KCNQ1: variants seen among roughly 807,000 people sequenced by gnomAD.
The protein encoded by KCNQ1 is potassium voltage-gated channel subfamily Q member 1.
A neutral mutation model predicts 72.4 loss-of-function variants in KCNQ1; 49 were observed. The ratio of observed to expected loss-of-function variants is 0.68; its 90% CI spans 0.54 to 0.86. The LOEUF (loss-of-function observed/expected upper bound fraction) is 0.86, where lower values mean the gene tolerates loss of function less well. Ranked by LOEUF, KCNQ1 falls within the 40% of genes least tolerant of loss-of-function variation. The pLI, the probability that KCNQ1 is intolerant of heterozygous loss-of-function variation, is 0.00. For synonymous variants in KCNQ1, 450 were observed against 412.6 expected (o/e 1.09, Z -1.10); for missense variants, 790 against 945.1 (o/e 0.84, Z 2.15).
intron 4 of KCNQ1, among the ~76,000 whole-genome samples, chr11:2,571,735 C>G (rs1161419427): frequency 6.6e-6 from 1 of 152,140 alleles, no homozygotes; most frequent in African/African-American, 2.4e-5. Context: ...AAGGAGCCCC[C>G]CAGAAGGCAG....
intron 2 of KCNQ1, among the ~76,000 whole-genome samples, chr11:2,561,963 GC>G: frequency 6.6e-6 from 1 of 152,194 alleles, no homozygotes; most frequent in Non-Finnish European, 1.5e-5. Context: ...GAAGGATGCA[GC>G]CCGACTAAGG....
rs1846851840 is a variant in KCNQ1, at chr11:2,492,477, C to T, written c.387-35451C>T. Reference sequence around the variant, plus strand: ...TCATCTAGGTTTTAAGCCCTACATGCATTAGGTATTTGTCCTAATGCTCTC... The same window carrying T: ...TCATCTAGGTTTTAAGCCCTACATGTATTAGGTATTTGTCCTAATGCTCTC... On this transcript the variant is annotated intron_variant, in intron 1 of 15. Coordinates refer to ENST00000155840, the MANE Select transcript of KCNQ1 (RefSeq NM_000218.3). This position sits in a 1 kb window ranked among gnomAD's most constrained non-coding sequence, Gnocchi z 4.1. 1.3e-5 allele frequency among the ~76,000 whole-genome samples: 2 copies of T among 152,184 alleles called. No individual in the cohort carries two copies. Among genetic ancestry groups the T allele is most frequent in the South Asian group, 4.1e-4 (2 of 4,830 alleles).
rs892126585 is a variant in KCNQ1, at chr11:2,646,345, G to A, written c.1394-15616G>A. ...TTCTTTCAATCCATGAGCATGGGAT[G>A]TCTCAAAAAATTTTGTAGCCTCTTC... On this transcript the variant is annotated intron_variant, in intron 10 of 15. Transcript: ENST00000155840. 3.0e-5 allele frequency: 12 copies of A among 398,532 alleles called. No individual in the cohort carries two copies. The Admixed American group carries it at 3.1e-4, about 10-fold the overall frequency. The allele number at this position is 398,532 out of a possible 1,614,324, so 24.7% of individuals were successfully genotyped here. A position where few individuals can be genotyped will look rare whatever the true frequency, so the allele number is the denominator to read the frequency against.
In KCNQ1 at chr11:2,766,992, C is replaced by T. The variant is rs141009125; in HGVS notation, c.1515-1852C>T. 6.7e-3 allele frequency among the ~76,000 whole-genome samples: 1,017 copies of T among 152,288 alleles called. 9 individuals carry two copies. The highest frequency in any genetic ancestry group is 0.023 in the African/African-American group (969 of 41,558). ...AAGAGATCAACACCATCCTAGCCAA[C>T]ATGATCAAACCCTGTCTCTACTAAA... On this transcript the variant is annotated intron_variant, in intron 11 of 15. Coordinates refer to ENST00000155840, the MANE Select transcript of KCNQ1 (RefSeq NM_000218.3). This position sits in a 1 kb window ranked among gnomAD's most constrained non-coding sequence, Gnocchi z 4.4.
intron 15 of KCNQ1, among the ~76,000 whole-genome samples, chr11:2,788,751 T>C (rs903141007): frequency 2.0e-5 from 3 of 152,218 alleles, no homozygotes; most frequent in African/African-American, 7.2e-5. Flanking sequence ...TCTTAGTGGA[T>C]GGCGGAGTCC....
chr11:2,725,090 C>A lies in KCNQ1; in HGVS notation c.1515-43754C>A, dbSNP rs984872621. Among the ~76,000 whole-genome samples the A allele has an allele frequency of 6.6e-6, 1 of 152,210 alleles. No individual in the cohort carries two copies. Among genetic ancestry groups the A allele is most frequent in the Middle Eastern group, 3.2e-3 (1 of 316 alleles). The stretch of plus-strand genomic sequence containing the variant: ...TCAGACAATGACTCCTAAACAAGCT[C>A]ACGTCTTGAAGCAGTGCTGGACCCG... On this transcript the variant is annotated intron_variant, in intron 11 of 15. Transcript: ENST00000155840. The surrounding 1 kb of genome is among the most constrained non-coding windows in gnomAD (Gnocchi z 7.2).
At chr11:2,770,160 AG>A (rs1226196850) in intron 12 of KCNQ1, among the ~76,000 whole-genome samples, 2 of 152,058 alleles carry the variant, frequency 1.3e-5, no homozygotes, top group African/African-American at 4.8e-5. Flanking sequence ...CTTCCACTCC[AG>A]GCCCCAGGAT....
At chr11:2,802,211 C>T (rs1057230279) in intron 15 of KCNQ1, among the ~76,000 whole-genome samples, 30 of 152,220 alleles carry the variant, frequency 2.0e-4, no homozygotes, top group Non-Finnish European at 3.7e-4. Context: ...TCTGACAATG[C>T]GAAGCCCACC....
At position 2,602,233 on chromosome 11, in the gene KCNQ1, C is replaced by T. The variant is rs1235427735; in HGVS notation, c.1393+13379C>T. Among the ~76,000 whole-genome samples the T allele has an allele frequency of 2.0e-5, 3 of 151,386 alleles. No individual in the cohort carries two copies. The highest frequency in any genetic ancestry group is 4.2e-4 in the South Asian group (2 of 4,792). On this transcript the variant is annotated intron_variant, in intron 10 of 15. Coordinates refer to ENST00000155840, the MANE Select transcript of KCNQ1 (RefSeq NM_000218.3). The surrounding 1 kb of genome is among the most constrained non-coding windows in gnomAD (Gnocchi z 4.8). ...CAGCCCTGCTGACACCTTGATTTTT[C>T]GTCCCCTAAGACTCTTTTCAGACTT...
rs1056150498 is a variant in KCNQ1, at chr11:2,764,468, G to A, written c.1515-4376G>A. On this transcript the variant is annotated intron_variant, in intron 11 of 15. Transcript: ENST00000155840. This position sits in a 1 kb window ranked among gnomAD's most constrained non-coding sequence, Gnocchi z 4.8. ...CTGGTGGTGGTTAGGATATTTGCAC[G>A]TATGTTCACGAGAGAGATTAACCTG... 1.3e-5 allele frequency among the ~76,000 whole-genome samples: 2 copies of A among 152,038 alleles called. No homozygotes were observed. Among genetic ancestry groups the A allele is most frequent in the Non-Finnish European group, 2.9e-5 (2 of 68,010 alleles).
At chr11:2,581,216 G>A (rs1848493765) in intron 6 of KCNQ1, among the ~76,000 whole-genome samples, 1 of 152,258 alleles carries the variant, frequency 6.6e-6, no homozygotes, top group Admixed American at 6.5e-5. Flanking sequence ...CCACCTGTGT[G>A]TGCTTTCTTG....
intron 11 of KCNQ1, among the ~76,000 whole-genome samples, chr11:2,740,634 T>C (rs1053909800): frequency 6.6e-6 from 1 of 152,226 alleles, no homozygotes; most frequent in Non-Finnish European, 1.5e-5. Flanking sequence ...GCCAAAATTT[T>C]GGTGGCCTAA....
At chr11:2,716,446 C>T (rs967313907) in intron 11 of KCNQ1, among the ~76,000 whole-genome samples, 1 of 152,122 alleles carries the variant, frequency 6.6e-6, no homozygotes, top group African/African-American at 2.4e-5. Context: ...GCTAGGCTCT[C>T]GAGGAATGGC....
At chr11:2,845,506 C>A (rs404521) in intron 15 of KCNQ1, among the ~76,000 whole-genome samples, 1 of 152,212 alleles carries the variant, frequency 6.6e-6, no homozygotes, top group African/African-American at 2.4e-5. Context: ...GCCCCTGCCC[C>A]TGCCAAACCA....
chr11:2,843,014 G>A (rs1848245934), intron 15 of KCNQ1, among the ~76,000 whole-genome samples: 1 of 152,232 alleles, frequency 6.6e-6, no homozygotes, highest in Non-Finnish European at 1.5e-5. Flanking sequence ...ACACACGCCT[G>A]CCTGCACGCT....
At position 2,516,024 on chromosome 11, in the gene KCNQ1, C is replaced by A. The variant is rs1847283243; in HGVS notation, c.387-11904C>A. Among the ~76,000 whole-genome samples the A allele has an allele frequency of 6.6e-6, 1 of 152,016 alleles. No individual in the cohort carries two copies. The highest frequency in any genetic ancestry group is 2.1e-4 in the South Asian group (1 of 4,830). ...AGCTCTCCTCACTGAGCCCCTGGGC[C>A]TATCCGCCCACGCCCAGGCCAGGGC... On this transcript the variant is annotated intron_variant, in intron 1 of 15. Transcript: ENST00000155840. This position sits in a 1 kb window ranked among gnomAD's most constrained non-coding sequence, Gnocchi z 7.0.
intron 11 of KCNQ1, among the ~76,000 whole-genome samples, chr11:2,726,266 C>T (rs748293751): frequency 1.3e-5 from 2 of 152,176 alleles, no homozygotes; most frequent in African/African-American, 2.4e-5. Flanking sequence ...GCAAGATGGG[C>T]GGGAGTCTTC....
In KCNQ1 at chr11:2,735,106, T is replaced by G. The variant is rs1845934671; in HGVS notation, c.1515-33738T>G. Among the ~76,000 whole-genome samples, 1 of 152,090 alleles carries G rather than the reference T, an allele frequency of 6.6e-6. No individual in the cohort carries two copies. On this transcript the variant is annotated intron_variant, in intron 11 of 15. Transcript: ENST00000155840. The surrounding 1 kb of genome is among the most constrained non-coding windows in gnomAD (Gnocchi z 7.7). The stretch of plus-strand genomic sequence containing the variant: ...CGTGGCTGTCAGCGCGCATCTGGCT[T>G]ACATTGAACTCCCCCATAAAACGTG...
At position 2,547,396 on chromosome 11, in the gene KCNQ1, A is replaced by G. The variant is rs1286630263; in HGVS notation, c.477+19378A>G. Among the ~76,000 whole-genome samples, 2 of 151,834 alleles carry G rather than the reference A, an allele frequency of 1.3e-5. No individual in the cohort carries two copies. The highest frequency in any genetic ancestry group is 2.9e-5 in the Non-Finnish European group (2 of 67,938). On this transcript the variant is annotated intron_variant, in intron 2 of 15. Coordinates refer to ENST00000155840, the MANE Select transcript of KCNQ1 (RefSeq NM_000218.3). The surrounding 1 kb of genome is among the most constrained non-coding windows in gnomAD (Gnocchi z 4.2). ...TAGGTGGGCGCCACCACACCTGGCTAATTTTTTTTGTATTATTAGTAGAGA... is the reference window on the plus strand; with the variant it reads ...TAGGTGGGCGCCACCACACCTGGCTGATTTTTTTTGTATTATTAGTAGAGA...
Sources: allele counts gnomAD v4.1 joint callset (sites outside exome capture counted in the v4.1 genomes callset), GRCh38; gene constraint gnomAD v4.1.1; non-coding constraint Gnocchi (gnomAD v3.1); transcripts MANE v1.5; gene names NCBI Gene and HGNC (gene_info 2026-07-23, HGNC 2026-07-21).